AGPAT4: variants seen among roughly 807,000 people sequenced by gnomAD.
The protein encoded by AGPAT4 is 1-acyl-sn-glycerol-3-phosphate acyltransferase delta.
Under a neutral mutation model 48.0 loss-of-function variants are expected in AGPAT4, and 15 were observed. The ratio of observed to expected loss-of-function variants is 0.31; its 90% CI spans 0.21 to 0.48. AGPAT4 has a LOEUF of 0.48. Among genes scored for constraint, AGPAT4 ranks in the 20% least tolerant of loss-of-function variants. The probability of loss-of-function intolerance (pLI) is 0.99; values close to 1 mark genes in which losing one functional copy is unlikely to be tolerated. For synonymous variants in AGPAT4, 178 were observed against 198.7 expected, an observed-to-expected ratio of 0.90 and a Z score of 0.88; for missense variants, 314 against 482.5, an observed-to-expected ratio of 0.65 and a Z score of 3.27.
intron 1 of AGPAT4, among the ~76,000 whole-genome samples, chr6:161,247,753 T>A (rs1782694594): frequency 6.6e-6 from 1 of 151,762 alleles, no homozygotes; most frequent in East Asian, 1.9e-4. Context: ...GAGGCTGAGG[T>A]AGGTGAATCA....
chr6:161,252,121 G>C (rs1454636375), intron 1 of AGPAT4, among the ~76,000 whole-genome samples: 1 of 152,212 alleles, frequency 6.6e-6, no homozygotes, highest in African/African-American at 2.4e-5. Flanking sequence ...GTGTGCAGCA[G>C]TAGAGGGTGT....
chr6:161,165,569 C>A lies in AGPAT4; in HGVS notation c.348+679G>T. On this transcript the variant is annotated intron_variant, in intron 3 of 8. Transcript: ENST00000320285. The surrounding 1 kb of genome is among the most constrained non-coding windows in gnomAD (Gnocchi z 5.5). ...TACACTGTGTACACTGTGATTCCTA[C>A]GGAATACCTGAGTACCGCAGATGAC... The A allele has an allele frequency of 1.6e-6, 2 of 1,289,622 alleles. No homozygotes were observed. Among genetic ancestry groups the A allele is most frequent in the Non-Finnish European group, 2.0e-6 (2 of 983,452 alleles). 79.9% of individuals were successfully genotyped at this position (1,289,622 alleles called of 1,614,324 possible). A position where few individuals can be genotyped will look rare whatever the true frequency, so the allele number is the denominator to read the frequency against.
At chr6:161,228,661 T>TAAAAAAAAAAAAAAAAAAAAAAAAAAAAA (rs375011382) in intron 2 of AGPAT4, among the ~76,000 whole-genome samples, 1 of 84,114 alleles carries the variant, frequency 1.2e-5, no homozygotes, top group Non-Finnish European at 2.2e-5. Context: ...GTCAGAGAGG[T>TAAAAAAAAAAAAAAAAAAAAAAAAAAAAA]AAAAAAAAAA....
rs373990255 is a variant in AGPAT4, at chr6:161,202,638, C to T, written c.178+29398G>A. On this transcript the variant is annotated intron_variant, in intron 2 of 8. Coordinates refer to ENST00000320285, the MANE Select transcript of AGPAT4 (RefSeq NM_020133.3). The surrounding 1 kb of genome is among the most constrained non-coding windows in gnomAD (Gnocchi z 5.4). The stretch of plus-strand genomic sequence containing the variant: ...ATGGCTACAATAATATTGTATATCC[C>T]GCAGGCTCTTCTAGAATGTAAGTCA... Among the ~76,000 whole-genome samples the T allele has an allele frequency of 6.6e-5, 10 of 152,180 alleles. No individual in the cohort carries two copies. In the South Asian group the frequency reaches 1.2e-3, roughly 19 times the overall value.
rs1042115384 is a variant in AGPAT4, at chr6:161,264,772, A to G, written c.-90+9166T>C. Among the ~76,000 whole-genome samples, 3 of 152,020 alleles carry G rather than the reference A, an allele frequency of 2.0e-5. No individual in the cohort carries two copies. The highest frequency in any genetic ancestry group is 1.3e-4 in the Admixed American group (2 of 15,268). On this transcript the variant is annotated intron_variant, in intron 1 of 8. Transcript: ENST00000320285. The surrounding 1 kb of genome is among the most constrained non-coding windows in gnomAD (Gnocchi z 6.8). ...GGAATAACTGACCCCACTTCTGTTG[A>G]CCTTTGAGAGCCTGAAAGCGAGAAG...
rs1297656810 is a variant in AGPAT4, at chr6:161,219,919, CA to C, written c.178+12116del. Among the ~76,000 whole-genome samples, 366 of 118,090 alleles carry C rather than the reference CA, an allele frequency of 3.1e-3. No individual in the cohort carries two copies. Among genetic ancestry groups the C allele is most frequent in the South Asian group, 4.2e-3 (16 of 3,850 alleles). 77.5% of individuals were successfully genotyped at this position (118,090 alleles called of 152,430 possible). A position where few individuals can be genotyped will look rare whatever the true frequency, so the allele number is the denominator to read the frequency against. ...GGCAGGCAGGCAGGCAGGCAGGCGGCAGGCAGGCAGGCAGGCAGGCAGGCAG... is the reference window on the plus strand; with the variant it reads ...GGCAGGCAGGCAGGCAGGCAGGCGGCGGCAGGCAGGCAGGCAGGCAGGCAG... On this transcript the variant is annotated intron_variant, in intron 2 of 8. Transcript: ENST00000320285. This position sits in a 1 kb window ranked among gnomAD's most constrained non-coding sequence, Gnocchi z 4.9.
rs1781736375 is a variant in AGPAT4, at chr6:161,219,265, A to G, written c.178+12771T>C. ...TGATTCCTTAAAAAAAAAATTAAAT[A>G]TGCACCATTAGCATATACAACTTTT... On this transcript the variant is annotated intron_variant, in intron 2 of 8. Coordinates refer to ENST00000320285, the MANE Select transcript of AGPAT4 (RefSeq NM_020133.3). The surrounding 1 kb of genome is among the most constrained non-coding windows in gnomAD (Gnocchi z 4.9). Among the ~76,000 whole-genome samples, 1 of 152,080 alleles carries G rather than the reference A, an allele frequency of 6.6e-6. No individual in the cohort carries two copies. Among genetic ancestry groups the G allele is most frequent in the Non-Finnish European group, 1.5e-5 (1 of 68,020 alleles).
rs998745865 is a variant in AGPAT4, at chr6:161,155,131, G to A, written c.349-821C>T. On this transcript the variant is annotated intron_variant, in intron 3 of 8. Coordinates refer to ENST00000320285, the MANE Select transcript of AGPAT4 (RefSeq NM_020133.3). This position sits in a 1 kb window ranked among gnomAD's most constrained non-coding sequence, Gnocchi z 5.8. Reference sequence around the variant, plus strand: ...GCTAGGCCCCACAGGTCCCCTCTGGGGAGTCTCAGGGCAGTCCTGGGTCCC... The same window carrying A: ...GCTAGGCCCCACAGGTCCCCTCTGGAGAGTCTCAGGGCAGTCCTGGGTCCC... 3.3e-5 allele frequency among the ~76,000 whole-genome samples: 5 copies of A among 152,166 alleles called. No individual in the cohort carries two copies. The highest frequency in any genetic ancestry group is 1.2e-4 in the African/African-American group (5 of 41,448).
rs927787479 is a variant in AGPAT4, at chr6:161,159,687, A to G, written c.349-5377T>C. On this transcript the variant is annotated intron_variant, in intron 3 of 8. Transcript: ENST00000320285. This position sits in a 1 kb window ranked among gnomAD's most constrained non-coding sequence, Gnocchi z 4.1. Reference sequence around the variant, plus strand: ...AGACGAAGTTTCACTCTTGTTGCCCAGGCTGGAGTGCAGTGGCACAATCTC... The same window carrying G: ...AGACGAAGTTTCACTCTTGTTGCCCGGGCTGGAGTGCAGTGGCACAATCTC... Among the ~76,000 whole-genome samples, 3 of 152,186 alleles carry G rather than the reference A, an allele frequency of 2.0e-5. No individual in the cohort carries two copies. The highest frequency in any genetic ancestry group is 4.4e-5 in the Non-Finnish European group (3 of 68,034).
chr6:161,250,792 T>C (rs73019323), intron 1 of AGPAT4, among the ~76,000 whole-genome samples: 11,093 of 152,240 alleles, frequency 0.073, 600 homozygotes, highest in East Asian at 0.31. Flanking sequence ...GCAATAAGAA[T>C]TCTCATTTAA....
Position 161,136,227 on chromosome 6 carries a change from C to A in AGPAT4, c.*313G>T. On this transcript the variant is annotated 3_prime_UTR_variant, in exon 9 of 9. Transcript: ENST00000320285. ...AACTTGTCCCCTTCGGTCCCCAGCC[C>A]TGCCCTCCCCTGCAGCCTAAAATAC... The A allele has an allele frequency of 3.0e-6, 1 of 329,898 alleles. No homozygotes were observed. The highest frequency in any genetic ancestry group is 5.6e-6 in the Non-Finnish European group (1 of 177,288). The allele number at this position is 329,898 out of a possible 1,614,324, so 20.4% of individuals were successfully genotyped here.
chr6:161,246,327 C>G lies in AGPAT4; in HGVS notation c.-89-14025G>C, dbSNP rs1158983990. Among the ~76,000 whole-genome samples, 1 of 152,154 alleles carries G rather than the reference C, an allele frequency of 6.6e-6. No individual in the cohort carries two copies. The highest frequency in any genetic ancestry group is 2.4e-5 in the African/African-American group (1 of 41,428). ...CCATCCAAGGAGCTACCCGTTCATTCATTCAGCTAAAAATTCATTGATTCA... is the reference window on the plus strand; with the variant it reads ...CCATCCAAGGAGCTACCCGTTCATTGATTCAGCTAAAAATTCATTGATTCA... On this transcript the variant is annotated intron_variant, in intron 1 of 8. Coordinates refer to ENST00000320285, the MANE Select transcript of AGPAT4 (RefSeq NM_020133.3). This position sits in a 1 kb window ranked among gnomAD's most constrained non-coding sequence, Gnocchi z 5.5.
At position 161,166,428 on chromosome 6, in the gene AGPAT4, C is replaced by T. The variant is rs1253849682; in HGVS notation, c.179-11G>A. 6.3e-7 allele frequency: 1 copy of T among 1,592,218 alleles called. No individual in the cohort carries two copies. On this transcript the variant is annotated splice_polypyrimidine_tract_variant and intron_variant, in intron 2 of 8. Transcript: ENST00000320285. This position sits in a 1 kb window ranked among gnomAD's most constrained non-coding sequence, Gnocchi z 6.7. The stretch of plus-strand genomic sequence containing the variant: ...GCAGCATCACCAGCTCTGGAACAAA[C>T]CACAACAGACAGATGTTTACTACAT...
At chr6:161,182,289 C>G in intron 2 of AGPAT4, among the ~76,000 whole-genome samples, 1 of 148,718 alleles carries the variant, frequency 6.7e-6, no homozygotes, top group Non-Finnish European at 1.5e-5. Flanking sequence ...GCACCTCATC[C>G]CAGCCTCTCA....
chr6:161,185,057 T>C (rs909231354), intron 2 of AGPAT4, among the ~76,000 whole-genome samples: 2 of 150,442 alleles, frequency 1.3e-5, no homozygotes, highest in Non-Finnish European at 2.9e-5. Flanking sequence ...GGGTCTGTTC[T>C]AAATTAAGAG....
In AGPAT4 at chr6:161,135,638, CA is replaced by C. The variant is rs1210658051; in HGVS notation, c.*901del. On this transcript the variant is annotated 3_prime_UTR_variant, in exon 9 of 9. Coordinates refer to ENST00000320285, the MANE Select transcript of AGPAT4 (RefSeq NM_020133.3). ...TTTATAAAGTGAAACTGCATTTTAT[CA>C]GGGGTGACTTTGGCTGTCACTGCTG... is the stretch of plus-strand genomic sequence containing the variant. The C allele has an allele frequency of 2.6e-5, 4 of 152,160 alleles. No homozygotes were observed. The highest frequency in any genetic ancestry group is 6.5e-5 in the Admixed American group (1 of 15,282). 9.4% of individuals were successfully genotyped at this position (152,160 alleles called of 1,614,324 possible).
At chr6:161,263,012 A>G (rs1271262192) in intron 1 of AGPAT4, among the ~76,000 whole-genome samples, 1 of 152,156 alleles carries the variant, frequency 6.6e-6, no homozygotes, top group Non-Finnish European at 1.5e-5. Flanking sequence ...CAGAGGCAGA[A>G]GAGACAGACC....
chr6:161,239,366 T>C (rs1782413130), intron 1 of AGPAT4, among the ~76,000 whole-genome samples: 2 of 152,248 alleles, frequency 1.3e-5, no homozygotes, highest in South Asian at 4.1e-4. Flanking sequence ...AGACTTCATA[T>C]TCTGTCTTAT....
At chr6:161,227,694 T>C (rs554101217) in intron 2 of AGPAT4, among the ~76,000 whole-genome samples, 2 of 152,284 alleles carry the variant, frequency 1.3e-5, no homozygotes, top group African/African-American at 4.8e-5. Flanking sequence ...GAGTAGCAAA[T>C]CTGAAGTGAC....
Sources: allele counts gnomAD v4.1 joint callset (sites outside exome capture counted in the v4.1 genomes callset), GRCh38; gene constraint gnomAD v4.1.1; non-coding constraint Gnocchi (gnomAD v3.1); transcripts MANE v1.5; gene names NCBI Gene and HGNC (gene_info 2026-07-23, HGNC 2026-07-21).